Variants in HHLA1 observed in about 807,000 individuals in gnomAD.
The protein encoded by HHLA1 is HERV-H LTR-associating protein 1.
HHLA1 carries 72 observed loss-of-function variants against 69.9 expected under a neutral mutation model. The ratio of observed to expected loss-of-function variants is 1.03; its 90% CI spans 0.85 to 1.25. HHLA1 has a LOEUF of 1.25. Among genes scored for constraint, HHLA1 ranks in the 50% most tolerant of loss-of-function variants. The pLI is 0.00. For missense variants in HHLA1, 685 were observed against 642.2 expected (o/e 1.07, Z -0.72); for synonymous variants, 252 against 233.2 (o/e 1.08, Z -0.73).
chr8:132,077,825 C>A lies in HHLA1; in HGVS notation c.1072G>T (p.Ala358Ser), dbSNP rs1281986949. Residue 358 changes from alanine (A) to serine (S), a missense_variant, in exon 12 of 17, where the codon GCA becomes TCA. Transcript: ENST00000414222. ...WETRSSPPTT[A>S]GTEEAMNTTS... ...GTGTTCATGGCTTCCTCGGTCCCTG[C>A]AGTAGTCGGTGGGGAAGAACGAGTT... is the stretch of plus-strand genomic sequence containing the variant. The A allele has an allele frequency of 2.6e-6, 4 of 1,551,552 alleles. No individual in the cohort carries two copies. Among genetic ancestry groups the A allele is most frequent in the South Asian group, 2.4e-5 (2 of 84,048 alleles).
chr8:132,083,653 A>G (rs1363757770), intron 10 of HHLA1, among the ~76,000 whole-genome samples: 2 of 151,980 alleles, frequency 1.3e-5, no homozygotes, highest in African/African-American at 4.8e-5. Context: ...GAGGAATCCC[A>G]GGCTGCGGGC....
intron 1 of HHLA1, among the ~76,000 whole-genome samples, chr8:132,110,122 G>A (rs978905392): frequency 2.6e-5 from 4 of 152,196 alleles, no homozygotes; most frequent in Admixed American, 2.0e-4. Flanking sequence ...CTTTCTCACT[G>A]AACTCTGCAG....
chr8:132,071,025 A>G (rs139766762), intron 15 of HHLA1, among the ~76,000 whole-genome samples: 16 of 152,190 alleles, frequency 1.1e-4, no homozygotes, highest in African/African-American at 3.9e-4. Context: ...TCTCAACTCA[A>G]CTTATCTCAA....
chr8:132,068,405 T>C (rs1038300277), intron 15 of HHLA1, among the ~76,000 whole-genome samples: 11 of 152,174 alleles, frequency 7.2e-5, no homozygotes, highest in Admixed American at 3.9e-4. Context: ...AAATGAACAA[T>C]AGATAAATGC....
intron 1 of HHLA1, among the ~76,000 whole-genome samples, chr8:132,107,355 C>T (rs1824218313): frequency 6.6e-6 from 1 of 151,962 alleles, no homozygotes. Context: ...GGCTGGAGTG[C>T]AGTGGTACGA....
chr8:132,091,835 A>T (rs1237396425), intron 7 of HHLA1, among the ~76,000 whole-genome samples: 1 of 152,214 alleles, frequency 6.6e-6, no homozygotes, highest in Non-Finnish European at 1.5e-5. Flanking sequence ...ACATTTTGGC[A>T]ATTCAAATCA....
chr8:132,095,900 A>G (rs1327542785), intron 5 of HHLA1, 114 bp from the exon 6 acceptor site: 8 of 607,840 alleles, frequency 1.3e-5, no homozygotes, highest in Non-Finnish European at 1.9e-5. Context: ...CCAATGATGA[A>G]AATAAAGAAA....
intron 14 of HHLA1, among the ~76,000 whole-genome samples, chr8:132,072,409 A>G (rs897870371): frequency 1.3e-5 from 2 of 152,088 alleles, no homozygotes; most frequent in African/African-American, 4.8e-5. Context: ...GCATGAAACA[A>G]ACAATAAATA....
chr8:132,065,808 G>T, intron 16 of HHLA1, 78 bp downstream of exon 16: 1 of 615,462 alleles, frequency 1.6e-6, no homozygotes, highest in Non-Finnish European at 2.7e-6. Flanking sequence ...AGACATCTGG[G>T]AATCACTCAG....
chr8:132,063,859 T>A lies in HHLA1; in HGVS notation c.*136A>T, dbSNP rs1007477596. 2 of 305,554 alleles carry A rather than the reference T, an allele frequency of 6.5e-6. No individual in the cohort carries two copies. Among genetic ancestry groups the A allele is most frequent in the Non-Finnish European group, 1.3e-5 (2 of 159,580 alleles). The allele number at this position is 305,554 out of a possible 1,614,324, so 18.9% of individuals were successfully genotyped here. ...GGAAAAAAAATGCTACTTCCAAGAA[T>A]AACCACTTTAAATTAACTGATGATC... is the stretch of plus-strand genomic sequence containing the variant. On this transcript the variant is annotated 3_prime_UTR_variant, in exon 17 of 17. Transcript: ENST00000414222.
chr8:132,085,720 AGG>A (rs1484016741), intron 10 of HHLA1: 2 of 149,824 alleles, frequency 1.3e-5, no homozygotes, highest in African/African-American at 5.0e-5. Context: ...TTACAGTCAA[AGG>A]GGGTTTGTTC....
At chr8:132,086,316 C>T (rs1410028594) in intron 10 of HHLA1, among the ~76,000 whole-genome samples, 1 of 151,968 alleles carries the variant, frequency 6.6e-6, no homozygotes, top group Admixed American at 6.5e-5. Context: ...GATTTTGGCC[C>T]TCACCTCCCC....
chr8:132,089,131 A>T (rs1410560972), intron 8 of HHLA1, among the ~76,000 whole-genome samples: 1 of 152,196 alleles, frequency 6.6e-6, no homozygotes, highest in African/African-American at 2.4e-5. Context: ...ACATGGGCTT[A>T]GGCTCCATAT....
At chr8:132,064,090 T>C in intron 16 of HHLA1, 52 bp from the exon 17 acceptor site, 1 of 1,160,528 alleles carries the variant, frequency 8.6e-7, no homozygotes, top group Non-Finnish European at 1.2e-6. Flanking sequence ...ATATAAACAC[T>C]GTAGAGACAT....
chr8:132,098,288 TAAAA>T (rs1172107473), intron 5 of HHLA1, among the ~76,000 whole-genome samples: 1 of 152,178 alleles, frequency 6.6e-6, no homozygotes, highest in South Asian at 2.1e-4. Context: ...AATATTGTCT[TAAAA>T]AAAGAAATCC....
chr8:132,104,547 A>G (rs1824172673), intron 2 of HHLA1, among the ~76,000 whole-genome samples: 1 of 152,200 alleles, frequency 6.6e-6, no homozygotes, highest in Admixed American at 6.5e-5. Flanking sequence ...TGAAGAATGA[A>G]TAGCATTTGA....
At chr8:132,081,993 C>T (rs915658678) in intron 10 of HHLA1, among the ~76,000 whole-genome samples, 2 of 152,046 alleles carry the variant, frequency 1.3e-5, no homozygotes, top group South Asian at 2.1e-4. Context: ...ATAAATCAAG[C>T]GTGATCAGGG....
In HHLA1 at chr8:132,079,870, G is replaced by A; in HGVS notation, c.773C>T (p.Thr258Ile). 1 of 1,552,036 alleles carries A rather than the reference G, an allele frequency of 6.4e-7. No homozygotes were observed. The highest frequency in any genetic ancestry group is 8.7e-7 in the Non-Finnish European group (1 of 1,147,044). ...GGATCTCAGAGCAGATGCCCAGGGT[G>A]TGCTCTGGGTCCAGTGTCCGGGGCT... is the stretch of plus-strand genomic sequence containing the variant. Reference protein sequence around the residue: ...STSPGHWTQSTPWASALRSSP... With the variant: ...STSPGHWTQSIPWASALRSSP... Residue 258 changes from threonine (T) to isoleucine (I), a missense_variant, in exon 11 of 17, where the codon ACA (threonine) becomes ATA (isoleucine). Transcript: ENST00000414222.
intron 1 of HHLA1, among the ~76,000 whole-genome samples, chr8:132,107,353 T>C (rs185147243): frequency 6.4e-4 from 98 of 152,208 alleles, no homozygotes; most frequent in Non-Finnish European, 1.2e-3. Flanking sequence ...CAGGCTGGAG[T>C]GCAGTGGTAC....
Sources: gnomAD v4.1 joint callset for allele counts (sites outside exome capture counted in the v4.1 genomes callset) on GRCh38, gnomAD v4.1.1 for gene constraint, MANE v1.5 for transcripts, NCBI Gene and HGNC (gene_info 2026-07-23, HGNC 2026-07-21) for gene names.